The following ABCA8 variants were observed in gnomAD, a reference collection of about 807,000 sequenced individuals.
ABCA8 encodes the protein ATP binding cassette subfamily A member 8, also known as ABC-type organic anion transporter ABCA8.
ABCA8 carries 177 observed loss-of-function variants against 192.3 expected under a neutral mutation model. That is an observed-to-expected ratio of 0.92 (90% CI 0.81 to 1.04). The LOEUF (loss-of-function observed/expected upper bound fraction) is 1.04. Ranked by LOEUF, ABCA8 falls within the 50% of genes least tolerant of loss-of-function variation. The pLI, the probability that ABCA8 is intolerant of heterozygous loss-of-function variation, is 0.00. For synonymous variants in ABCA8, 642 were observed against 690.2 expected, an observed-to-expected ratio of 0.93 and a Z score of 1.09; for missense variants, 1,915 against 1,904.8, an observed-to-expected ratio of 1.01 and a Z score of -0.10.
chr17:68,930,678 A>G (rs190679192), intron 7 of ABCA8, among the ~76,000 whole-genome samples: 2 of 152,174 alleles, frequency 1.3e-5, no homozygotes, highest in Non-Finnish European at 2.9e-5. Flanking sequence ...AACCTAATGA[A>G]CAAGGGTGTT....
At position 68,940,895 on chromosome 17, in the gene ABCA8, T is replaced by G. The variant is rs745331651; in HGVS notation, c.164A>C (p.Asp55Ala). 3.7e-6 allele frequency: 6 copies of G among 1,612,808 alleles called. No individual in the cohort carries two copies. Among genetic ancestry groups the G allele is most frequent in the Admixed American group, 3.3e-5 (2 of 59,930 alleles). The change falls in exon 4 of 40, where the codon GAT becomes GCT. Residue 55 changes from aspartate (D) to alanine (A), a missense_variant. Coordinates refer to ENST00000586539, the MANE Select transcript of ABCA8 (RefSeq NM_001288985.2). ...YIYPHSHQVN[D>A]FSSLLTMDLG... ...GTCCATGGTAAGCAGTGAAGAAAAA[T>G]CATTTACTTGATGACTATGAGGATA...
chr17:68,922,235 T>TAAAA lies in ABCA8; in HGVS notation c.1501+6_1501+7insTTTT. 5.8e-6 allele frequency: 3 copies of TAAAA among 514,708 alleles called. No individual in the cohort carries two copies. Among genetic ancestry groups the TAAAA allele is most frequent in the Non-Finnish European group, 8.6e-6 (3 of 350,266 alleles). 31.9% of individuals were successfully genotyped at this position (514,708 alleles called of 1,614,324 possible). On this transcript the variant is annotated splice_region_variant and intron_variant, in intron 12 of 39. Coordinates refer to ENST00000586539, the MANE Select transcript of ABCA8 (RefSeq NM_001288985.2). ...TTTTTTTTTTTTTTTTTTTTTTTTTTTTTTACCTTTCAAGGCTTCTATTTT... is the reference window on the plus strand; with the variant it reads ...TTTTTTTTTTTTTTTTTTTTTTTTTTAAAATTTTACCTTTCAAGGCTTCTATTTT...
chr17:68,883,943 A>G, intron 28 of ABCA8, 61 bp from the exon 29 acceptor site: 1 of 1,009,764 alleles, frequency 9.9e-7, no homozygotes, highest in Non-Finnish European at 1.5e-6. Flanking sequence ...AATATCAAAG[A>G]TATACTAATA....
Position 68,894,862 on chromosome 17 carries a change from T to A in ABCA8, c.2898+18A>T. ...AGCTTTTCACATTTTTCAGAAAGATTATTAGAGACCTGCATACCTTTTCAT... is the reference window on the plus strand; with the variant it reads ...AGCTTTTCACATTTTTCAGAAAGATAATTAGAGACCTGCATACCTTTTCAT... On this transcript the variant is annotated intron_variant, in intron 22 of 39. Transcript: ENST00000586539. 6.2e-7 allele frequency: 1 copy of A among 1,603,458 alleles called. No individual in the cohort carries two copies.
At chr17:68,883,020 G>A (rs1367707005) in intron 29 of ABCA8, among the ~76,000 whole-genome samples, 2 of 151,978 alleles carry the variant, frequency 1.3e-5, no homozygotes, top group South Asian at 2.1e-4. Flanking sequence ...GTTTTCATGG[G>A]GAAAATGGGC....
intron 27 of ABCA8, 38 bp from the exon 28 acceptor site, chr17:68,884,434 T>C: frequency 6.5e-7 from 1 of 1,547,176 alleles, no homozygotes. Flanking sequence ...AGGGAGTTTT[T>C]TGTTTCCTGA....
At chr17:68,868,640 G>A (rs1481675504) in intron 38 of ABCA8, among the ~76,000 whole-genome samples, 1 of 152,078 alleles carries the variant, frequency 6.6e-6, no homozygotes, top group Non-Finnish European at 1.5e-5. Context: ...GTGGGCCAGT[G>A]GGTTTTGCAC....
chr17:68,886,940 G>T, intron 26 of ABCA8, 77 bp downstream of exon 26: 1 of 976,592 alleles, frequency 1.0e-6, no homozygotes. Flanking sequence ...TCATCCTACA[G>T]AGGGCAAAAT....
intron 37 of ABCA8, among the ~76,000 whole-genome samples, chr17:68,872,228 AC>A (rs1258593556): frequency 6.6e-6 from 1 of 152,142 alleles, no homozygotes; most frequent in African/African-American, 2.4e-5. Context: ...TGGCACATAT[AC>A]ACCATGGAAT....
chr17:68,904,666 G>A (rs1238703526), intron 19 of ABCA8, among the ~76,000 whole-genome samples: 2 of 152,132 alleles, frequency 1.3e-5, no homozygotes, highest in Non-Finnish European at 2.9e-5. Flanking sequence ...CACAAAACGA[G>A]TTTACAGCAT....
chr17:68,945,249 T>C (rs976165999), intron 2 of ABCA8, among the ~76,000 whole-genome samples: 2 of 152,260 alleles, frequency 1.3e-5, no homozygotes, highest in African/African-American at 2.4e-5. Context: ...TTGTCTGTTG[T>C]CTTGTTTTTC....
rs555416397 is a variant in ABCA8 at position 68,899,298 on chromosome 17, G to A, written c.2764+3415C>T. ...CTCAAAAGGCATAGATTGTTAGATT[G>A]TATTTAAAAACACTATCCAACTATA... On this transcript the variant is annotated intron_variant, in intron 21 of 39. Coordinates refer to ENST00000586539, the MANE Select transcript of ABCA8 (RefSeq NM_001288985.2). Among the ~76,000 whole-genome samples the A allele has an allele frequency of 3.9e-5, 6 of 152,068 alleles. No individual in the cohort carries two copies. The East Asian group carries it at 1.2e-3, about 29-fold the overall frequency.
At chr17:68,887,881 C>CATATATATATCCATATAT (rs2066505742) in intron 24 of ABCA8, among the ~76,000 whole-genome samples, 8 of 68,236 alleles carry the variant, frequency 1.2e-4, no homozygotes, top group African/African-American at 5.8e-4. Context: ...TTCTCTCCTC[C>CATATATATATCCATATAT]ATATATATAT....
chr17:68,876,029 G>A (rs1567818505), intron 35 of ABCA8, among the ~76,000 whole-genome samples: 1 of 152,112 alleles, frequency 6.6e-6, no homozygotes, highest in Non-Finnish European at 1.5e-5. Context: ...GTGTGAAGGG[G>A]AACAGAATGA....
intron 26 of ABCA8, among the ~76,000 whole-genome samples, chr17:68,886,094 T>C (rs1179930187): frequency 6.6e-6 from 1 of 152,176 alleles, no homozygotes; most frequent in African/African-American, 2.4e-5. Flanking sequence ...GAAGCCCTCA[T>C]ATTTTACCTT....
intron 14 of ABCA8, 125 bp from the exon 15 acceptor site, chr17:68,918,671 T>A (rs1286915342): frequency 1.1e-6 from 1 of 952,074 alleles, no homozygotes; most frequent in Admixed American, 3.5e-5. Flanking sequence ...CGGTGGCTCA[T>A]ACCCATAGTC....
At chr17:68,935,293 T>TGTGTGTG (rs1491187643) in intron 5 of ABCA8, among the ~76,000 whole-genome samples, 1 of 149,472 alleles carries the variant, frequency 6.7e-6, no homozygotes, top group African/African-American at 2.5e-5. Flanking sequence ...TGTGTGTGTG[T>TGTGTGTG]TTCAGTAGAG....
chr17:68,950,367 A>T (rs2143820949), intron 1 of ABCA8, among the ~76,000 whole-genome samples: 1 of 152,336 alleles, frequency 6.6e-6, no homozygotes, highest in African/African-American at 2.4e-5. Context: ...GAACCAAAAA[A>T]GAGCCCGCGT....
chr17:68,888,202 T>G (rs571508515), intron 24 of ABCA8, among the ~76,000 whole-genome samples: 1 of 151,720 alleles, frequency 6.6e-6, no homozygotes, highest in East Asian at 1.9e-4. Flanking sequence ...CAAATATTTA[T>G]GTGTATCTAC....
Sources: gnomAD v4.1 joint callset for allele counts (sites outside exome capture counted in the v4.1 genomes callset) on GRCh38, gnomAD v4.1.1 for gene constraint, MANE v1.5 for transcripts, NCBI Gene and HGNC (gene_info 2026-07-23, HGNC 2026-07-21) for gene names.